The following CLIC5 variants were observed in gnomAD, a reference collection of about 807,000 sequenced individuals.
The protein encoded by CLIC5 is CLIC family member 5.
Under a neutral mutation model 24.7 loss-of-function variants are expected in CLIC5, and 20 were observed. That is an observed-to-expected ratio of 0.81 (90% CI 0.57 to 1.18). The LOEUF is 1.18. Ranked by LOEUF, CLIC5 falls within the 50% of genes most tolerant of loss-of-function variation. The pLI, the probability that CLIC5 is intolerant of heterozygous loss-of-function variation, is 0.00. For missense variants in CLIC5, 341 were observed against 326.1 expected (o/e 1.05, Z -0.35); for synonymous variants, 159 against 135.6 (o/e 1.17, Z -1.20).
At chr6:45,912,609 G>T in intron 5 of CLIC5, 1 of 1,467,906 alleles carries the variant, frequency 6.8e-7, no homozygotes, top group Non-Finnish European at 9.2e-7. Context: ...TAAATGATGT[G>T]CCTCAGCTCA....
At chr6:45,904,889 C>A (rs895937679) in intron 5 of CLIC5, among the ~76,000 whole-genome samples, 2 of 151,696 alleles carry the variant, frequency 1.3e-5, no homozygotes, top group African/African-American at 4.9e-5. Context: ...ATCCCTCTGC[C>A]AAGTAGTCCC....
At position 45,914,784 on chromosome 6, in the gene CLIC5, C is replaced by G. The variant is rs536217616; in HGVS notation, c.407-375G>C. Among the ~76,000 whole-genome samples the G allele has an allele frequency of 7.9e-5, 11 of 139,458 alleles. No individual in the cohort carries two copies. The South Asian group carries it at 2.6e-3, about 33-fold the overall frequency. The allele number at this position is 139,458 out of a possible 152,430, so 91.5% of individuals were successfully genotyped here. On this transcript the variant is annotated intron_variant, in intron 4 of 5. Transcript: ENST00000339561. ...TAGCCAATATGGTGAAACTCCGTCT[C>G]TACTAAAACTACAAAAATTAGCTGG...
chr6:45,954,367 T>C (rs1015631773), intron 2 of CLIC5, among the ~76,000 whole-genome samples: 2 of 151,772 alleles, frequency 1.3e-5, no homozygotes, highest in Non-Finnish European at 2.9e-5. Flanking sequence ...AATTGATGTA[T>C]GCAATGTTAG....
At chr6:46,065,609 G>T (rs1452442285) in intron 1 of CLIC5, among the ~76,000 whole-genome samples, 1 of 152,106 alleles carries the variant, frequency 6.6e-6, no homozygotes, top group African/African-American at 2.4e-5. Flanking sequence ...ACCAACTGCT[G>T]ATTTACGTAC....
Position 45,950,411 on chromosome 6 carries a change from C to A in CLIC5, c.174-1030G>T, listed in dbSNP as rs200750715. On this transcript the variant is annotated intron_variant, in intron 2 of 5. Transcript: ENST00000339561. ...CCCCCATCTTTACAAAAAAAAAAAA[C>A]AAACAAAAATTTGCTGGGCATGGAG... Among the ~76,000 whole-genome samples the A allele has an allele frequency of 2.0e-3, 295 of 147,840 alleles. 7 individuals carry two copies. The East Asian group carries it at 0.052, about 26-fold the overall frequency.
intron 1 of CLIC5, among the ~76,000 whole-genome samples, chr6:45,968,453 G>A (rs1001170107): frequency 1.3e-5 from 2 of 152,036 alleles, no homozygotes; most frequent in South Asian, 2.1e-4. Flanking sequence ...GCTTCCTGGG[G>A]GTCCTGAAAC....
At chr6:46,071,827 G>A (rs1762606089) in intron 1 of CLIC5, among the ~76,000 whole-genome samples, 2 of 152,126 alleles carry the variant, frequency 1.3e-5, no homozygotes. Flanking sequence ...CAAAGACATG[G>A]AATCAACCTG....
intron 4 of CLIC5, chr6:45,932,580 G>T (rs1763780784): frequency 6.6e-6 from 1 of 152,398 alleles, no homozygotes; most frequent in African/African-American, 2.4e-5. Context: ...AGAGCCGGCT[G>T]CAGGAATCAG....
rs141917524 is a variant in CLIC5 at position 46,006,206 on chromosome 6, G to A, written c.63+9274C>T. On this transcript the variant is annotated intron_variant, in intron 1 of 5. Transcript: ENST00000339561. ...ATCGCCCAGCCTGGAGTGCAATGGC[G>A]CAATCTTGGCCCACTGCAGCCTCCG... Among the ~76,000 whole-genome samples the A allele has an allele frequency of 9.2e-3, 1,323 of 143,756 alleles. 32 individuals are homozygous for A. Among genetic ancestry groups the A allele is most frequent in the African/African-American group, 0.032 (1,224 of 38,714 alleles). The allele number at this position is 143,756 out of a possible 152,430, so 94.3% of individuals were successfully genotyped here. A position where few individuals can be genotyped will look rare whatever the true frequency, so the allele number is the denominator to read the frequency against.
chr6:46,022,177 T>TTG (rs369737739), intron 1 of CLIC5, among the ~76,000 whole-genome samples: 6 of 151,908 alleles, frequency 3.9e-5, no homozygotes, highest in East Asian at 1.9e-4. Context: ...GACAGTGTGT[T>TTG]TGTGTGTGTG....
At chr6:45,911,298 C>G (rs951575080) in intron 5 of CLIC5, among the ~76,000 whole-genome samples, 1 of 152,130 alleles carries the variant, frequency 6.6e-6, no homozygotes, top group East Asian at 1.9e-4. Flanking sequence ...AAGAAGCCAC[C>G]CCCACACTGT....
At chr6:46,093,724 T>G in the CLIC5 span, among the ~76,000 whole-genome samples, 1 of 152,160 alleles carries the variant, frequency 6.6e-6, no homozygotes, top group African/African-American at 2.4e-5. Context: ...GCAGATTTTG[T>G]TTTTTTGTAA....
chr6:46,099,728 T>A, the CLIC5 span, among the ~76,000 whole-genome samples: 2 of 152,186 alleles, frequency 1.3e-5, no homozygotes, highest in African/African-American at 4.8e-5. Context: ...AAATGTATAC[T>A]CTTGCCCACC....
At chr6:45,916,974 G>A (rs1314332055) in intron 4 of CLIC5, among the ~76,000 whole-genome samples, 1 of 152,174 alleles carries the variant, frequency 6.6e-6, no homozygotes, top group Non-Finnish European at 1.5e-5. Flanking sequence ...CAAGGCCTGG[G>A]ACTAAACTGT....
At chr6:46,026,611 G>A (rs773359722) in intron 1 of CLIC5, among the ~76,000 whole-genome samples, 4 of 152,082 alleles carry the variant, frequency 2.6e-5, no homozygotes, top group Non-Finnish European at 4.4e-5. Context: ...TTCTTCCAAG[G>A]AGAAGGCAGA....
chr6:46,026,706 G>A (rs1325356550), intron 1 of CLIC5, among the ~76,000 whole-genome samples: 1 of 152,172 alleles, frequency 6.6e-6, no homozygotes, highest in Non-Finnish European at 1.5e-5. Flanking sequence ...ACTCAATGCT[G>A]GGGATAAATT....
At chr6:46,066,891 G>T (rs1251237430) in intron 1 of CLIC5, among the ~76,000 whole-genome samples, 1 of 152,136 alleles carries the variant, frequency 6.6e-6, no homozygotes, top group Non-Finnish European at 1.5e-5. Flanking sequence ...CATGGGCAAA[G>T]CTGGATGGAG....
intron 1 of CLIC5, among the ~76,000 whole-genome samples, chr6:45,994,096 G>A (rs1022531041): frequency 1.3e-5 from 2 of 152,090 alleles, no homozygotes; most frequent in Non-Finnish European, 2.9e-5. Flanking sequence ...AGGGCTCATG[G>A]TCAGCAGATA....
intron 1 of CLIC5, among the ~76,000 whole-genome samples, chr6:46,024,299 G>A (rs924054958): frequency 6.6e-6 from 1 of 152,170 alleles, no homozygotes; most frequent in Non-Finnish European, 1.5e-5. Context: ...AGGATGGTCA[G>A]GTGACTCATG....
Sources: allele counts gnomAD v4.1 joint callset (sites outside exome capture counted in the v4.1 genomes callset), GRCh38; gene constraint gnomAD v4.1.1; transcripts MANE v1.5; gene names NCBI Gene and HGNC (gene_info 2026-07-23, HGNC 2026-07-21).